Variants in NBEAL1 observed in about 807,000 individuals in gnomAD.
NBEAL1 encodes the protein neurobeachin like 1.
Under a neutral mutation model 351.3 loss-of-function variants are expected in NBEAL1, and 273 were observed. That is an observed-to-expected ratio of 0.78 (90% CI 0.70 to 0.86). NBEAL1 has a LOEUF of 0.86. NBEAL1 is among the 40% of genes least tolerant of loss of function. The pLI is 0.00. For missense variants in NBEAL1, 2,961 were observed against 3,201.3 expected (o/e 0.92, Z 1.81); for synonymous variants, 1,050 against 1,086.4 (o/e 0.97, Z 0.66).
chr2:203,073,995 T>C (rs1297538784), intron 7 of NBEAL1, among the ~76,000 whole-genome samples: 1 of 152,160 alleles, frequency 6.6e-6, no homozygotes, highest in Non-Finnish European at 1.5e-5. Context: ...AAAATTTCGG[T>C]TAGGAAGAAT....
chr2:203,115,676 TG>T (rs1326139814), intron 17 of NBEAL1, among the ~76,000 whole-genome samples: 1 of 152,064 alleles, frequency 6.6e-6, no homozygotes, highest in Non-Finnish European at 1.5e-5. Context: ...GTGATCCACC[TG>T]CTTCAGCCTC....
At position 203,138,216 on chromosome 2, in the gene NBEAL1, T is replaced by G. The variant is rs907105383; in HGVS notation, c.4620T>G (p.Thr1540=). The change falls in exon 30 of 56, where the codon ACT becomes ACG. Residue 1540 remains threonine, a synonymous_variant. Coordinates refer to ENST00000683969, the MANE Select transcript of NBEAL1 (RefSeq NM_001378026.1). ...TCTCAGAAAACAGAGAAGCAAAAAC[T>G]AATCCAGTAACTGCTGAAAACGCCT... ...WAISENREAK[T]NPVTAENAFR... 1.9e-6 allele frequency: 3 copies of G among 1,613,998 alleles called. No homozygotes were observed. Among genetic ancestry groups the G allele is most frequent in the Admixed American group, 1.7e-5 (1 of 59,986 alleles).
chr2:203,158,319 G>A (rs2063852181), intron 36 of NBEAL1, among the ~76,000 whole-genome samples: 1 of 152,158 alleles, frequency 6.6e-6, no homozygotes, highest in Non-Finnish European at 1.5e-5. Context: ...AGGATTGAAA[G>A]AGGAGATATT....
chr2:203,032,532 C>A (rs570884865), intron 2 of NBEAL1, among the ~76,000 whole-genome samples: 38 of 151,702 alleles, frequency 2.5e-4, no homozygotes, highest in African/African-American at 6.0e-4. Context: ...TGGTGTCGGG[C>A]ACCTGTAGTC....
Position 203,048,626 on chromosome 2 carries a change from G to A in NBEAL1, c.144-1188G>A, listed in dbSNP as rs551209623. On this transcript the variant is annotated intron_variant, in intron 3 of 55. Transcript: ENST00000683969. ...ATTTCATGAGGTTGGGTACTTCAGC[G>A]TCCATAGGGAACTTCAAAGGTTAAA... Among the ~76,000 whole-genome samples, 27 of 152,200 alleles carry A rather than the reference G, an allele frequency of 1.8e-4. No homozygotes were observed. The South Asian group carries it at 5.6e-3, about 32-fold the overall frequency.
chr2:203,210,437 G>T (rs1420512996), intron 53 of NBEAL1, among the ~76,000 whole-genome samples: 2 of 151,388 alleles, frequency 1.3e-5, no homozygotes. Flanking sequence ...CGAGGTGGGC[G>T]GATCACAAGG....
Position 203,041,845 on chromosome 2 carries a change from G to C in NBEAL1, c.132G>C (p.Lys44Asn), listed in dbSNP as rs1367502636. 12 of 1,552,424 alleles carry C rather than the reference G, an allele frequency of 7.7e-6. No individual in the cohort carries two copies. The highest frequency in any genetic ancestry group is 1.0e-5 in the Non-Finnish European group (12 of 1,146,752). ...YEQFLDVDFE[K>N]LPTRVDDMPP... ...AATTTTTAGACGTTGACTTTGAAAA[G>C]CTGCCTACCAGGTATGTAGAAACGC... Residue 44 changes from lysine (K) to asparagine (N), a missense_variant, in exon 3 of 56, where the codon AAG (lysine) becomes AAC (asparagine). Transcript: ENST00000683969.
At chr2:203,122,751 A>G (rs1014980985) in intron 19 of NBEAL1, among the ~76,000 whole-genome samples, 1 of 152,200 alleles carries the variant, frequency 6.6e-6, no homozygotes, top group Admixed American at 6.5e-5. Context: ...AGAGGCTTCT[A>G]CTTACTTTCC....
rs138682525 is a variant in NBEAL1, at chr2:203,222,747, AC to A, written c.*5394del. Among the ~76,000 whole-genome samples, 9,304 of 152,278 alleles carry A rather than the reference AC, an allele frequency of 0.061. 401 individuals carry two copies. Among genetic ancestry groups the A allele is most frequent in the Admixed American group, 0.083 (1,264 of 15,286 alleles). On this transcript the variant is annotated 3_prime_UTR_variant, in exon 56 of 56. Coordinates refer to ENST00000683969, the MANE Select transcript of NBEAL1 (RefSeq NM_001378026.1). ...ACATGACTAACATGCTAAATTTAAA[AC>A]ATAAAAGTAGATCTCTTAGAGCCTT...
intron 10 of NBEAL1, among the ~76,000 whole-genome samples, chr2:203,089,581 A>C (rs1329413603): frequency 6.6e-6 from 1 of 152,176 alleles, no homozygotes; most frequent in East Asian, 1.9e-4. Flanking sequence ...CAAATACAAT[A>C]ACTAGAGGCG....
chr2:203,163,600 A>G (rs1259615583), intron 36 of NBEAL1, among the ~76,000 whole-genome samples: 2 of 152,090 alleles, frequency 1.3e-5, no homozygotes, highest in Non-Finnish European at 2.9e-5. Context: ...CCCAAAGGCA[A>G]TTTAGACTTT....
At chr2:203,169,641 A>G (rs2064256910) in intron 38 of NBEAL1, 106 bp from the exon 39 acceptor site, 4 of 585,032 alleles carry the variant, frequency 6.8e-6, no homozygotes, top group South Asian at 2.1e-5. Context: ...ACTAAGTTGT[A>G]TACTTTAAAA....
intron 2 of NBEAL1, among the ~76,000 whole-genome samples, chr2:203,029,351 A>G (rs779377037): frequency 6.6e-6 from 1 of 152,228 alleles, no homozygotes; most frequent in Admixed American, 6.5e-5. Context: ...CACAGAATTC[A>G]TGCAAGAGGA....
chr2:203,187,046 A>C (rs1377737145), intron 44 of NBEAL1, among the ~76,000 whole-genome samples: 1 of 152,190 alleles, frequency 6.6e-6, no homozygotes, highest in Non-Finnish European at 1.5e-5. Flanking sequence ...TAGTTGCCTT[A>C]GGCAATTTCT....
In NBEAL1 at chr2:203,175,141, C is replaced by T. The variant is rs938263132; in HGVS notation, c.6324-6C>T. 6.9e-6 allele frequency: 11 copies of T among 1,605,690 alleles called. No individual in the cohort carries two copies. Among genetic ancestry groups the T allele is most frequent in the Non-Finnish European group, 7.7e-6 (9 of 1,176,116 alleles). On this transcript the variant is annotated splice_polypyrimidine_tract_variant and splice_region_variant and intron_variant, in intron 41 of 55. Transcript: ENST00000683969. ...GTTTTAAAACTTTAGGATTTTTTCC[C>T]CACAGATATGAAAATTTTGAGGATC...
chr2:203,131,208 C>G lies in NBEAL1; in HGVS notation c.3564+732C>G, dbSNP rs148251466. Among the ~76,000 whole-genome samples the G allele has an allele frequency of 1.9e-3, 293 of 152,128 alleles. 1 individual carries two copies. Among genetic ancestry groups the G allele is most frequent in the African/African-American group, 6.6e-3 (273 of 41,522 alleles). On this transcript the variant is annotated intron_variant, in intron 25 of 55. Coordinates refer to ENST00000683969, the MANE Select transcript of NBEAL1 (RefSeq NM_001378026.1). The stretch of plus-strand genomic sequence containing the variant: ...CAGATGAATTTCAGTCCAGTTTATT[C>G]TTTTTTAAAATTTGTTTATTTTTTT...
At chr2:203,071,900 C>T (rs189561284) in intron 7 of NBEAL1, among the ~76,000 whole-genome samples, 2 of 152,306 alleles carry the variant, frequency 1.3e-5, no homozygotes, top group East Asian at 3.9e-4. Flanking sequence ...GAATAGCCCT[C>T]TTTGGTTGAT....
At position 203,102,186 on chromosome 2, in the gene NBEAL1, T is replaced by G. The variant is rs1259527986; in HGVS notation, c.1269+2474T>G. Among the ~76,000 whole-genome samples the G allele has an allele frequency of 4.6e-5, 7 of 152,226 alleles. No homozygotes were observed. In the South Asian group the frequency reaches 1.0e-3, roughly 22 times the overall value. Reference sequence around the variant, plus strand: ...TATCCTGCAACTTTGCTCAAGTAGTTTATTAGATCAAGGAGCTTTTAGGCA... The same window carrying G: ...TATCCTGCAACTTTGCTCAAGTAGTGTATTAGATCAAGGAGCTTTTAGGCA... On this transcript the variant is annotated intron_variant, in intron 12 of 55. Coordinates refer to ENST00000683969, the MANE Select transcript of NBEAL1 (RefSeq NM_001378026.1).
At chr2:203,152,650 A>T (rs967996207) in intron 35 of NBEAL1, among the ~76,000 whole-genome samples, 1 of 151,766 alleles carries the variant, frequency 6.6e-6, no homozygotes, top group Non-Finnish European at 1.5e-5. Context: ...GGTTTCTGCA[A>T]CTCTTTAGGA....
Sources: allele counts gnomAD v4.1 joint callset (sites outside exome capture counted in the v4.1 genomes callset), GRCh38; gene constraint gnomAD v4.1.1; transcripts MANE v1.5; gene names NCBI Gene and HGNC (gene_info 2026-07-23, HGNC 2026-07-21).